Variants in UGT1A3 observed in about 807,000 individuals in gnomAD.
UGT1A3 encodes the protein UDP-glucuronosyltransferase 1A3.
In UGT1A3, 31 loss-of-function variants were observed where a neutral mutation model predicts 41.0. The observed-to-expected ratio is 0.76, with a 90% CI of 0.57 to 1.02. The LOEUF is 1.02. Among genes scored for constraint, UGT1A3 ranks in the 50% least tolerant of loss-of-function variants. The pLI, the probability that UGT1A3 is intolerant of heterozygous loss-of-function variation, is 0.00. For synonymous variants in UGT1A3, 262 were observed against 257.6 expected, an observed-to-expected ratio of 1.02 and a Z score of -0.17; for missense variants, 737 against 671.0, an observed-to-expected ratio of 1.10 and a Z score of -1.09.
Position 233,730,884 on chromosome 2 carries a change from T to A in UGT1A3, c.867+891T>A, listed in dbSNP as rs1262820640. Among the ~76,000 whole-genome samples, 3 of 152,194 alleles carry A rather than the reference T, an allele frequency of 2.0e-5. No individual in the cohort carries two copies. In the South Asian group the frequency reaches 6.2e-4, roughly 32 times the overall value. On this transcript the variant is annotated intron_variant, in intron 1 of 4. Coordinates refer to ENST00000482026, the MANE Select transcript of UGT1A3 (RefSeq NM_019093.4). ...CCTACTGCACTCCAGGTTTCTATAG[T>A]GGGATCTACTCCTTTACCAAAAATT...
At chr2:233,758,070 G>T (rs1696791398) in intron 1 of UGT1A3, among the ~76,000 whole-genome samples, 1 of 152,026 alleles carries the variant, frequency 6.6e-6, no homozygotes, top group South Asian at 2.1e-4. Flanking sequence ...TGACTTTCTG[G>T]GCCTAGTTCC....
intron 1 of UGT1A3, among the ~76,000 whole-genome samples, chr2:233,748,634 A>G (rs1335024517): frequency 6.6e-6 from 1 of 151,774 alleles, no homozygotes; most frequent in East Asian, 1.9e-4. Context: ...GTCTGTGATT[A>G]TAGAATTACA....
chr2:233,772,626 A>T lies in UGT1A3; in HGVS notation c.*67A>T. On this transcript the variant is annotated 3_prime_UTR_variant, in exon 5 of 5. Coordinates refer to ENST00000482026, the MANE Select transcript of UGT1A3 (RefSeq NM_019093.4). ...AGTCATTTCCAAACTTGAAAACAGA[A>T]TCAGTGTTAAATTCATTTTATTCTT... The T allele has an allele frequency of 3.8e-6, 6 of 1,561,972 alleles. No homozygotes were observed. Among genetic ancestry groups the T allele is most frequent in the Non-Finnish European group, 5.2e-6 (6 of 1,152,668 alleles).
Position 233,729,884 on chromosome 2 carries a change from C to T in UGT1A3, c.758C>T (p.Ser253Phe). The change falls in exon 1 of 5, where the codon TCT becomes TTT. Residue 253 changes from serine to phenylalanine, a missense_variant. By Grantham distance (155) the Ser-to-Phe change is radical. Coordinates refer to ENST00000482026, the MANE Select transcript of UGT1A3 (RefSeq NM_019093.4). ...VSVVDILSHA[S>F]VWLFRGDFVM... ...GTGGTGGATATTCTCAGTCATGCAT[C>T]TGTGTGGCTGTTCCGAGGGGACTTT... is the stretch of plus-strand genomic sequence containing the variant. 2 of 1,613,892 alleles carry T rather than the reference C, an allele frequency of 1.2e-6. No individual in the cohort carries two copies. Among genetic ancestry groups the T allele is most frequent in the Non-Finnish European group, 1.7e-6 (2 of 1,179,866 alleles).
Position 233,769,845 on chromosome 2 carries a change from G to T in UGT1A3, c.1307+1406G>T. ...ACTCCAGCAACCTGGGCAACAGAGT[G>T]AGACCCTGTCTCAAAAAAAAAAAAA... On this transcript the variant is annotated intron_variant, in intron 4 of 4. Transcript: ENST00000482026. This position sits in a 1 kb window ranked among gnomAD's most constrained non-coding sequence, Gnocchi z 4.4. The T allele has an allele frequency of 6.0e-6, 3 of 503,862 alleles. No individual in the cohort carries two copies. The highest frequency in any genetic ancestry group is 6.3e-6 in the Non-Finnish European group (2 of 319,128). 31.2% of individuals were successfully genotyped at this position (503,862 alleles called of 1,614,324 possible).
intron 1 of UGT1A3, among the ~76,000 whole-genome samples, chr2:233,731,737 A>G (rs2078198933): frequency 6.6e-6 from 1 of 152,224 alleles, no homozygotes; most frequent in African/African-American, 2.4e-5. Context: ...TAGTGCCACA[A>G]TAAACATACG....
chr2:233,755,319 C>T (rs776967353), intron 1 of UGT1A3: 53 of 507,946 alleles, frequency 1.0e-4, no homozygotes, highest in Non-Finnish European at 1.5e-4. Context: ...AGCGGCAAGG[C>T]TGCCAGCACC....
At chr2:233,760,874 C>T in intron 1 of UGT1A3, 1 of 1,614,100 alleles carries the variant, frequency 6.2e-7, no homozygotes, top group Non-Finnish European at 8.5e-7. Flanking sequence ...GTGCCCAGGC[C>T]TCTCTCCTCT....
At chr2:233,730,838 T>G (rs2078079443) in intron 1 of UGT1A3, among the ~76,000 whole-genome samples, 1 of 152,124 alleles carries the variant, frequency 6.6e-6, no homozygotes, top group Admixed American at 6.5e-5. Context: ...CAGGAGAGGC[T>G]CATCACATCA....
chr2:233,772,912 C>A lies in UGT1A3; in HGVS notation c.*353C>A. 2.6e-6 allele frequency: 1 copy of A among 388,966 alleles called. No individual in the cohort carries two copies. The highest frequency in any genetic ancestry group is 4.5e-6 in the Non-Finnish European group (1 of 221,770). The allele number at this position is 388,966 out of a possible 1,614,324, so 24.1% of individuals were successfully genotyped here. ...GGTGGTCCCACGGCTGCCCCTACTGCAAATGGCAGTTTTAATCTTATCTTT... is the reference window on the plus strand; with the variant it reads ...GGTGGTCCCACGGCTGCCCCTACTGAAAATGGCAGTTTTAATCTTATCTTT... On this transcript the variant is annotated 3_prime_UTR_variant, in exon 5 of 5. Coordinates refer to ENST00000482026, the MANE Select transcript of UGT1A3 (RefSeq NM_019093.4).
At chr2:233,758,822 C>G (rs1559405165) in intron 1 of UGT1A3, among the ~76,000 whole-genome samples, 1 of 152,138 alleles carries the variant, frequency 6.6e-6, no homozygotes, top group Admixed American at 6.5e-5. Context: ...AGTATATCCC[C>G]CCCAAAAAGA....
At chr2:233,741,132 C>G (rs1370599110) in intron 1 of UGT1A3, among the ~76,000 whole-genome samples, 1 of 151,794 alleles carries the variant, frequency 6.6e-6, no homozygotes, top group Admixed American at 6.6e-5. Flanking sequence ...AAAAGCAACA[C>G]TTTCCATTTA....
At chr2:233,742,595 T>C (rs1692031315) in intron 1 of UGT1A3, among the ~76,000 whole-genome samples, 1 of 151,868 alleles carries the variant, frequency 6.6e-6, no homozygotes, top group African/African-American at 2.4e-5. Flanking sequence ...CCCAGCAACC[T>C]ACCATAGTTG....
intron 1 of UGT1A3, chr2:233,740,712 A>G (rs1392705535): frequency 6.6e-6 from 1 of 151,804 alleles, no homozygotes; most frequent in Non-Finnish European, 1.5e-5. Context: ...CAAGAGGGTC[A>G]TCTTTGCACC....
Position 233,772,397 on chromosome 2 carries a change from C to A in UGT1A3, c.1443C>A (p.Asp481Glu). Residue 481 changes from aspartate (D) to glutamate (E), a missense_variant, in exon 5 of 5, where the codon GAC becomes GAA. By Grantham distance (45) the Asp-to-Glu change is conservative. Coordinates refer to ENST00000482026, the MANE Select transcript of UGT1A3 (RefSeq NM_019093.4). ...GAPHLRPAAH[D>E]LTWYQYHSLD... The stretch of plus-strand genomic sequence containing the variant: ...CACACCTGCGCCCCGCAGCCCACGA[C>A]CTCACCTGGTACCAGTACCATTCCT... The A allele has an allele frequency of 6.2e-7, 1 of 1,614,254 alleles. No individual in the cohort carries two copies. The highest frequency in any genetic ancestry group is 8.5e-7 in the Non-Finnish European group (1 of 1,180,050).
intron 1 of UGT1A3, among the ~76,000 whole-genome samples, chr2:233,745,089 C>T (rs542765504): frequency 6.6e-6 from 1 of 151,622 alleles, no homozygotes; most frequent in African/African-American, 2.4e-5. Context: ...ATTGCTCTTC[C>T]CCCCAAATAT....
chr2:233,767,352 C>A (rs1699374337), intron 2 of UGT1A3, among the ~76,000 whole-genome samples, 187 bp downstream of exon 2: 1 of 152,112 alleles, frequency 6.6e-6, no homozygotes, highest in African/African-American at 2.4e-5. Context: ...ATTTGACTCT[C>A]AAATACTCTA....
At chr2:233,757,773 G>A (rs1419561449) in intron 1 of UGT1A3, among the ~76,000 whole-genome samples, 2 of 151,708 alleles carry the variant, frequency 1.3e-5, no homozygotes, top group African/African-American at 2.4e-5. Context: ...TTAGTAATAA[G>A]CCTGTCATTC....
intron 1 of UGT1A3, chr2:233,750,580 C>T (rs1288266277): frequency 6.6e-6 from 1 of 151,936 alleles, no homozygotes; most frequent in African/African-American, 2.4e-5. Flanking sequence ...CCATCACAGG[C>T]CTGGAGGCCT....
Sources: allele counts gnomAD v4.1 joint callset (sites outside exome capture counted in the v4.1 genomes callset), GRCh38; gene constraint gnomAD v4.1.1; non-coding constraint Gnocchi (gnomAD v3.1); transcripts MANE v1.5; gene names NCBI Gene and HGNC (gene_info 2026-07-23, HGNC 2026-07-21).